Variants in RIC3 observed in about 807,000 individuals in gnomAD.
RIC3 encodes protein RIC-3.
Under a neutral mutation model 27.3 loss-of-function variants are expected in RIC3, and 28 were observed. The ratio of observed to expected loss-of-function variants is 1.02; its 90% CI spans 0.76 to 1.41. The LOEUF (loss-of-function observed/expected upper bound fraction) is 1.41. RIC3 is among the 40% of genes most tolerant of loss of function. RIC3 has a pLI of 0.00. For missense variants in RIC3, 501 were observed against 444.7 expected, an observed-to-expected ratio of 1.13 and a Z score of -1.14; for synonymous variants, 184 against 160.4, an observed-to-expected ratio of 1.15 and a Z score of -1.11.
At chr11:8,115,314 C>T (rs1437685916) in intron 5 of RIC3, among the ~76,000 whole-genome samples, 1 of 135,888 alleles carries the variant, frequency 7.4e-6, no homozygotes, top group Admixed American at 7.4e-5. Flanking sequence ...AAAACAAAAA[C>T]AAAAAAAAAA....
chr11:8,119,094 C>A (rs1240710487), intron 5 of RIC3, among the ~76,000 whole-genome samples: 1 of 152,030 alleles, frequency 6.6e-6, no homozygotes, highest in South Asian at 2.1e-4. Context: ...TAAATGGGAA[C>A]AATAATCAAA....
chr11:8,168,451 G>C (rs569140903), intron 1 of RIC3, among the ~76,000 whole-genome samples: 1 of 152,290 alleles, frequency 6.6e-6, no homozygotes, highest in African/African-American at 2.4e-5. Flanking sequence ...CATTTGCCTT[G>C]ATTTCGTACC....
Position 8,153,297 on chromosome 11 carries a change from G to A in RIC3, c.125-13104C>T, listed in dbSNP as rs373909386. The A allele has an allele frequency of 1.0e-3, 369 of 360,558 alleles. 1 individual carries two copies. The highest frequency in any genetic ancestry group is 7.9e-3 in the South Asian group (361 of 45,560). The allele number at this position is 360,558 out of a possible 1,614,324, so 22.3% of individuals were successfully genotyped here. Reference sequence around the variant, plus strand: ...CTATGTCAGGCTCTGAGATTAGAATGACAAATAGAACAGAATCTCTGTCTT... The same window carrying A: ...CTATGTCAGGCTCTGAGATTAGAATAACAAATAGAACAGAATCTCTGTCTT... On this transcript the variant is annotated intron_variant, in intron 1 of 5. Transcript: ENST00000309737.
chr11:8,143,881 T>G (rs1315722977), intron 1 of RIC3, among the ~76,000 whole-genome samples: 1 of 152,150 alleles, frequency 6.6e-6, no homozygotes. Context: ...GCCGCATATC[T>G]ACAACGATCA....
downstream of RIC3, chr11:8,101,856 G>GATA: frequency 2.1e-5 from 10 of 482,856 alleles, no homozygotes; most frequent in South Asian, 1.1e-4. Context: ...TTCTTTCCAT[G>GATA]CCACGAGATC....
chr11:8,137,034 C>A (rs181224054), intron 4 of RIC3, among the ~76,000 whole-genome samples: 14 of 152,134 alleles, frequency 9.2e-5, no homozygotes, highest in Admixed American at 8.5e-4. Context: ...CTTTCCTTTT[C>A]TTTTTTTGAG....
Position 8,137,360 on chromosome 11 carries a change from C to G in RIC3, c.521+18G>C, listed in dbSNP as rs760389467. On this transcript the variant is annotated intron_variant, in intron 4 of 5. Coordinates refer to ENST00000309737, the MANE Select transcript of RIC3 (RefSeq NM_001206671.4). ...TCTAAATGAGAAATAGTCTGAGTCCCGTTACATGAAAACCTACCTCTCACC... is the reference window on the plus strand; with the variant it reads ...TCTAAATGAGAAATAGTCTGAGTCCGGTTACATGAAAACCTACCTCTCACC... The G allele has an allele frequency of 1.3e-6, 2 of 1,599,008 alleles. No individual in the cohort carries two copies. The highest frequency in any genetic ancestry group is 1.7e-5 in the Admixed American group (1 of 59,934).
chr11:8,151,771 A>G (rs959417226), intron 1 of RIC3, among the ~76,000 whole-genome samples: 2 of 148,700 alleles, frequency 1.3e-5, no homozygotes, highest in Non-Finnish European at 3.0e-5. Context: ...AAAAAATTAC[A>G]TGGGCGTGGT....
At chr11:8,121,849 A>C (rs1946493577) in intron 5 of RIC3, among the ~76,000 whole-genome samples, 1 of 152,188 alleles carries the variant, frequency 6.6e-6, no homozygotes, top group African/African-American at 2.4e-5. Context: ...TAAGCTACAC[A>C]ATCTTTTCCC....
chr11:8,106,197 C>T lies in RIC3; in HGVS notation c.*4501G>A, dbSNP rs1467495816. On this transcript the variant is annotated 3_prime_UTR_variant, in exon 6 of 6. Coordinates refer to ENST00000309737, the MANE Select transcript of RIC3 (RefSeq NM_001206671.4). ...GTATGTTGTAGAATTTAGTGTTTGT[C>T]TAAGTACACACATATATCAACAAAT... is the stretch of plus-strand genomic sequence containing the variant. 1.3e-5 allele frequency: 2 copies of T among 151,996 alleles called. No homozygotes were observed. Among genetic ancestry groups the T allele is most frequent in the African/African-American group, 4.8e-5 (2 of 41,410 alleles). The allele number at this position is 151,996 out of a possible 1,614,324, so 9.4% of individuals were successfully genotyped here. A position where few individuals can be genotyped will look rare whatever the true frequency, so the allele number is the denominator to read the frequency against.
chr11:8,136,713 G>A (rs1425372246), intron 4 of RIC3, among the ~76,000 whole-genome samples: 1 of 152,142 alleles, frequency 6.6e-6, no homozygotes, highest in Non-Finnish European at 1.5e-5. Flanking sequence ...CTCTCATTTT[G>A]TCTCAAGTAG....
intron 4 of RIC3, 173 bp from the exon 5 acceptor site, chr11:8,126,980 T>G: frequency 1.4e-6 from 1 of 737,332 alleles, no homozygotes; most frequent in Non-Finnish European, 2.2e-6. Flanking sequence ...GTTAGTTCAA[T>G]GCTTTGATTT....
At chr11:8,123,174 C>G (rs1461284586) in intron 5 of RIC3, among the ~76,000 whole-genome samples, 1 of 151,054 alleles carries the variant, frequency 6.6e-6, no homozygotes, top group African/African-American at 2.4e-5. Flanking sequence ...AAAAACTATT[C>G]AAAACTAAGC....
In RIC3 at chr11:8,109,398, C is replaced by G. The variant is rs1945006828; in HGVS notation, c.*1300G>C. The G allele has an allele frequency of 6.6e-6, 1 of 152,148 alleles. No homozygotes were observed. The highest frequency in any genetic ancestry group is 2.1e-4 in the South Asian group (1 of 4,828). The allele number at this position is 152,148 out of a possible 1,614,324, so 9.4% of individuals were successfully genotyped here. On this transcript the variant is annotated 3_prime_UTR_variant, in exon 6 of 6. Coordinates refer to ENST00000309737, the MANE Select transcript of RIC3 (RefSeq NM_001206671.4). ...TTCACACATACCTCATGATGTAATT[C>G]ATGGGTGCTATCTTGTCTCAAGAAG...
chr11:8,153,206 G>A (rs2134147955), intron 1 of RIC3, among the ~76,000 whole-genome samples: 1 of 152,276 alleles, frequency 6.6e-6, no homozygotes, highest in Middle Eastern at 3.4e-3. Context: ...GAAGAAATCT[G>A]AGTACTTTAC....
chr11:8,125,560 G>A (rs929777573), intron 5 of RIC3, among the ~76,000 whole-genome samples: 3 of 152,020 alleles, frequency 2.0e-5, no homozygotes, highest in Non-Finnish European at 2.9e-5. Flanking sequence ...ACTGGAGAAA[G>A]GTAAATTAAA....
chr11:8,105,993 T>TTCCTATTTTGGAG (rs1330040008), downstream of RIC3: 1 of 152,246 alleles, frequency 6.6e-6, no homozygotes, highest in African/African-American at 2.4e-5. Context: ...AGATTGTCTT[T>TTCCTATTTTGGAG]TCCTATTTTG....
At chr11:8,097,219 T>A in the RIC3 span, 91 of 1,613,782 alleles carry the variant, frequency 5.6e-5, 1 homozygote, top group East Asian at 1.3e-3. Context: ...CTATTCTGCA[T>A]CCCCATAGGA....
chr11:8,148,669 C>G (rs1008997531), intron 1 of RIC3, among the ~76,000 whole-genome samples: 4 of 119,108 alleles, frequency 3.4e-5, no homozygotes, highest in African/African-American at 1.6e-4. Flanking sequence ...ATTTTAGGAT[C>G]CTATTATGTT....
Sources: allele counts gnomAD v4.1 joint callset (sites outside exome capture counted in the v4.1 genomes callset), GRCh38; gene constraint gnomAD v4.1.1; transcripts MANE v1.5; gene names NCBI Gene and HGNC (gene_info 2026-07-23, HGNC 2026-07-21).